Variants in AGFG2 observed in about 807,000 individuals in gnomAD.
The protein encoded by AGFG2 is arf-GAP domain and FG repeat-containing protein 2.
In AGFG2, 31 loss-of-function variants were observed where a neutral mutation model predicts 48.0. That is an observed-to-expected ratio of 0.65 (90% CI 0.49 to 0.87). The LOEUF is 0.87. Among genes scored for constraint, AGFG2 ranks in the 40% least tolerant of loss-of-function variants. The pLI is 0.00. For missense variants in AGFG2, 599 were observed against 632.6 expected (o/e 0.95, Z 0.57); for synonymous variants, 229 against 260.8 (o/e 0.88, Z 1.18).
At position 100,565,155 on chromosome 7, in the gene AGFG2, C is replaced by A; in HGVS notation, c.*164C>A. 1 of 787,952 alleles carries A rather than the reference C, an allele frequency of 1.3e-6. No homozygotes were observed. The highest frequency in any genetic ancestry group is 2.2e-5 in the Admixed American group (1 of 44,524). 48.8% of individuals were successfully genotyped at this position (787,952 alleles called of 1,614,324 possible). The stretch of plus-strand genomic sequence containing the variant: ...GTGAAAGGTGGCTGCCCTCAGATTC[C>A]ACAAAGCCTCTCTCCCCTCCCTCGT... On this transcript the variant is annotated 3_prime_UTR_variant, in exon 12 of 12. Transcript: ENST00000300176.
chr7:100,565,003 T>C lies in AGFG2; in HGVS notation c.*12T>C, dbSNP rs111765489. The C allele has an allele frequency of 2.8e-5, 45 of 1,614,006 alleles. No homozygotes were observed. The highest frequency in any genetic ancestry group is 2.7e-4 in the African/African-American group (20 of 75,042). On this transcript the variant is annotated 3_prime_UTR_variant, in exon 12 of 12. Transcript: ENST00000300176. ...ACCCCTTCTTGTAGCACTGTGTTTT[T>C]GGGGGGCCTCTTCCCTGCCTTCTGG...
At chr7:100,554,854 C>T (rs1398016151) in intron 5 of AGFG2, among the ~76,000 whole-genome samples, 1 of 146,084 alleles carries the variant, frequency 6.8e-6, no homozygotes, top group Non-Finnish European at 1.5e-5. Flanking sequence ...AGGAGAATTG[C>T]TTGAACCTAG....
At chr7:100,541,176 A>G (rs1800415191) in intron 1 of AGFG2, among the ~76,000 whole-genome samples, 1 of 152,164 alleles carries the variant, frequency 6.6e-6, no homozygotes, top group South Asian at 2.1e-4. Context: ...TTGTTGTTTG[A>G]TATTAGTGAT....
At position 100,562,211 on chromosome 7, in the gene AGFG2, C is replaced by T. The variant is rs775886907; in HGVS notation, c.878-48C>T. On this transcript the variant is annotated intron_variant, in intron 6 of 11. Coordinates refer to ENST00000300176, the MANE Select transcript of AGFG2 (RefSeq NM_006076.5). The surrounding 1 kb of genome is among the most constrained non-coding windows in gnomAD (Gnocchi z 5.4). ...TCCATCTGCTCTCCTGCCCCTCCCG[C>T]CCTGTCTTACCTCAGCTCTCCCTGT... 3.1e-6 allele frequency: 5 copies of T among 1,594,836 alleles called. No individual in the cohort carries two copies. The African/African-American group carries it at 5.4e-5, about 17-fold the overall frequency.
rs1025519031 is a variant in AGFG2, at chr7:100,565,022, C to T, written c.*31C>T. 1.2e-6 allele frequency: 2 copies of T among 1,610,494 alleles called. No homozygotes were observed. The highest frequency in any genetic ancestry group is 8.5e-7 in the Non-Finnish European group (1 of 1,176,618). On this transcript the variant is annotated 3_prime_UTR_variant, in exon 12 of 12. Coordinates refer to ENST00000300176, the MANE Select transcript of AGFG2 (RefSeq NM_006076.5). ...TGTTTTTGGGGGGCCTCTTCCCTGC[C>T]TTCTGGGGCCCCTCTGCTCCCTAGA...
chr7:100,562,210 G>C lies in AGFG2; in HGVS notation c.878-49G>C, dbSNP rs1479568885. The C allele has an allele frequency of 2.5e-6, 4 of 1,591,926 alleles. No individual in the cohort carries two copies. The East Asian group carries it at 9.0e-5, about 36-fold the overall frequency. On this transcript the variant is annotated intron_variant, in intron 6 of 11. Coordinates refer to ENST00000300176, the MANE Select transcript of AGFG2 (RefSeq NM_006076.5). This position sits in a 1 kb window ranked among gnomAD's most constrained non-coding sequence, Gnocchi z 5.4. ...CTCCATCTGCTCTCCTGCCCCTCCC[G>C]CCCTGTCTTACCTCAGCTCTCCCTG...
intron 11 of AGFG2, among the ~76,000 whole-genome samples, chr7:100,564,521 CTTTTTTT>C (rs1246687723): frequency 7.1e-6 from 1 of 140,844 alleles, no homozygotes; most frequent in Non-Finnish European, 1.6e-5. Flanking sequence ...CCTCACTTTC[CTTTTTTT>C]TTTTTTTTTG....
chr7:100,554,937 CAAAAAAAAAAAA>C (rs749887106), intron 5 of AGFG2, among the ~76,000 whole-genome samples: 2 of 57,578 alleles, frequency 3.5e-5, no homozygotes, highest in South Asian at 6.9e-4. Flanking sequence ...GACTCCGTCT[CAAAAAAAAAAAA>C]AAAAAAAAAA....
In AGFG2 at chr7:100,566,972, C is replaced by T. The variant is rs1156891468; in HGVS notation, c.*1981C>T. The T allele has an allele frequency of 2.0e-5, 3 of 152,436 alleles. No homozygotes were observed. Among genetic ancestry groups the T allele is most frequent in the Non-Finnish European group, 2.9e-5 (2 of 68,064 alleles). The allele number at this position is 152,436 out of a possible 1,614,324, so 9.4% of individuals were successfully genotyped here. A position where few individuals can be genotyped will look rare whatever the true frequency, so the allele number is the denominator to read the frequency against. The stretch of plus-strand genomic sequence containing the variant: ...ACCCTTCCCTTAATGCCAGGAGCGC[C>T]GAGGTTTGGAACTGAGGCTAAACCG... On this transcript the variant is annotated 3_prime_UTR_variant, in exon 12 of 12. Coordinates refer to ENST00000300176, the MANE Select transcript of AGFG2 (RefSeq NM_006076.5).
At position 100,562,583 on chromosome 7, in the gene AGFG2, C is replaced by T; in HGVS notation, c.999-11C>T. ...GCAGCTGTGTATGACTTCTCTCTCCCCGTGTTGTAGCCTCTTCGGGATGGC... is the reference window on the plus strand; with the variant it reads ...GCAGCTGTGTATGACTTCTCTCTCCTCGTGTTGTAGCCTCTTCGGGATGGC... On this transcript the variant is annotated splice_polypyrimidine_tract_variant and intron_variant, in intron 7 of 11. Coordinates refer to ENST00000300176, the MANE Select transcript of AGFG2 (RefSeq NM_006076.5). The surrounding 1 kb of genome is among the most constrained non-coding windows in gnomAD (Gnocchi z 5.4). 6.2e-7 allele frequency: 1 copy of T among 1,613,500 alleles called. No homozygotes were observed.
chr7:100,544,899 A>G (rs1197722262), intron 1 of AGFG2, among the ~76,000 whole-genome samples: 1 of 152,138 alleles, frequency 6.6e-6, no homozygotes, highest in African/African-American at 2.4e-5. Flanking sequence ...GAACAAAGGA[A>G]ATGGGTTGAA....
intron 1 of AGFG2, among the ~76,000 whole-genome samples, chr7:100,541,496 G>A (rs898611349): frequency 1.3e-5 from 2 of 151,940 alleles, no homozygotes; most frequent in African/African-American, 4.8e-5. Flanking sequence ...TATAGGGGTC[G>A]GGCTCGGTGG....
At chr7:100,556,499 C>T (rs1562794163) in intron 6 of AGFG2, 1 of 1,110,924 alleles carries the variant, frequency 9.0e-7, no homozygotes, top group Non-Finnish European at 1.2e-6. Flanking sequence ...CAGTGCTCGC[C>T]GTCAGGCTCA....
rs56804763 is a variant in AGFG2, at chr7:100,565,889, CTTT to C, written c.*915_*917del. On this transcript the variant is annotated 3_prime_UTR_variant, in exon 12 of 12. Coordinates refer to ENST00000300176, the MANE Select transcript of AGFG2 (RefSeq NM_006076.5). ...GAAAGGCTTTGTGCAATTGCCTGGTCTTTTTTTTTTTTTTTTTTTCTCCATGTG... is the reference window on the plus strand; with the variant it reads ...GAAAGGCTTTGTGCAATTGCCTGGTCTTTTTTTTTTTTTTTTCTCCATGTG... 1.6e-4 allele frequency: 20 copies of C among 123,810 alleles called. No homozygotes were observed. Among genetic ancestry groups the C allele is most frequent in the African/African-American group, 2.1e-4 (7 of 32,970 alleles). The allele number at this position is 123,810 out of a possible 1,614,324, so 7.7% of individuals were successfully genotyped here. A position where few individuals can be genotyped will look rare whatever the true frequency, so the allele number is the denominator to read the frequency against.
rs1327907898 is a variant in AGFG2, at chr7:100,565,078, C to T, written c.*87C>T. ...GGTGACCACTTGCCTGTGGGCATTT[C>T]TATGGGCCTTGGGGATGGTGGAGGT... On this transcript the variant is annotated 3_prime_UTR_variant, in exon 12 of 12. Coordinates refer to ENST00000300176, the MANE Select transcript of AGFG2 (RefSeq NM_006076.5). 1 of 1,437,970 alleles carries T rather than the reference C, an allele frequency of 7.0e-7. No homozygotes were observed. Among genetic ancestry groups the T allele is most frequent in the Non-Finnish European group, 9.8e-7 (1 of 1,020,136 alleles). 89.1% of individuals were successfully genotyped at this position (1,437,970 alleles called of 1,614,324 possible). A position where few individuals can be genotyped will look rare whatever the true frequency, so the allele number is the denominator to read the frequency against.
Position 100,562,386 on chromosome 7 carries a change from A to G in AGFG2, c.998+7A>G, listed in dbSNP as rs768983285. The G allele has an allele frequency of 1.2e-5, 20 of 1,613,358 alleles. No homozygotes were observed. In the South Asian group the frequency reaches 2.2e-4, roughly 18 times the overall value. ...CTGCAGGTGTTCCTAGCAGGTAGGT[A>G]CAGACAGTGGGCAGTCTGCTGTAGG... is the stretch of plus-strand genomic sequence containing the variant. On this transcript the variant is annotated splice_region_variant and intron_variant, in intron 7 of 11. Transcript: ENST00000300176. The surrounding 1 kb of genome is among the most constrained non-coding windows in gnomAD (Gnocchi z 5.4).
At chr7:100,547,645 C>T (rs1328354589) in intron 1 of AGFG2, among the ~76,000 whole-genome samples, 1 of 152,092 alleles carries the variant, frequency 6.6e-6, no homozygotes, top group East Asian at 1.9e-4. Flanking sequence ...TGAGTGGGGA[C>T]AAGGAAGCCT....
chr7:100,556,535 T>C, intron 6 of AGFG2: 1 of 1,266,782 alleles, frequency 7.9e-7, no homozygotes, highest in Non-Finnish European at 1.0e-6. Flanking sequence ...GCCAGTGACA[T>C]ACACTCTTTC....
At position 100,562,323 on chromosome 7, in the gene AGFG2, C is replaced by T. The variant is rs761358790; in HGVS notation, c.942C>T (p.Leu314=). 1.2e-6 allele frequency: 2 copies of T among 1,614,134 alleles called. No individual in the cohort carries two copies. Among genetic ancestry groups the T allele is most frequent in the East Asian group, 2.2e-5 (1 of 44,872 alleles). The change falls in exon 7 of 12, where the codon CTC becomes CTT. Residue 314 remains leucine, a synonymous_variant. Transcript: ENST00000300176. This position sits in a 1 kb window ranked among gnomAD's most constrained non-coding sequence, Gnocchi z 5.4. ...PLAPASQPNS[L]ADVGSFLGPG... Reference sequence around the variant, plus strand: ...CACCCGCCAGTCAGCCAAACAGCCTCGCAGACGTGGGCAGCTTCCTGGGAC... The same window carrying T: ...CACCCGCCAGTCAGCCAAACAGCCTTGCAGACGTGGGCAGCTTCCTGGGAC...
Sources: allele counts gnomAD v4.1 joint callset (sites outside exome capture counted in the v4.1 genomes callset), GRCh38; gene constraint gnomAD v4.1.1; non-coding constraint Gnocchi (gnomAD v3.1); transcripts MANE v1.5; gene names NCBI Gene and HGNC (gene_info 2026-07-23, HGNC 2026-07-21).